Variants in SEMA6A observed in about 807,000 individuals in gnomAD.
SEMA6A encodes semaphorin-6A.
In SEMA6A, 25 loss-of-function variants were observed where a neutral mutation model predicts 96.8. That is an observed-to-expected ratio of 0.26 (90% confidence interval 0.19 to 0.36). The LOEUF is 0.36. Ranked by LOEUF, SEMA6A falls within the 10% of genes least tolerant of loss-of-function variation. The pLI is 1.00. For synonymous variants in SEMA6A, 612 were observed against 518.0 expected, an observed-to-expected ratio of 1.18 and a Z score of -2.46; for missense variants, 1,363 against 1,323.1, an observed-to-expected ratio of 1.03 and a Z score of -0.47.
intron 1 of SEMA6A, among the ~76,000 whole-genome samples, chr5:116,514,923 C>A (rs1221122897): frequency 6.6e-6 from 1 of 152,196 alleles, no homozygotes; most frequent in African/African-American, 2.4e-5. Flanking sequence ...CAAAATAGAA[C>A]ACATACACAA....
chr5:116,462,388 G>A (rs1755466273), intron 18 of SEMA6A, among the ~76,000 whole-genome samples: 1 of 152,106 alleles, frequency 6.6e-6, no homozygotes, highest in South Asian at 2.1e-4. Flanking sequence ...CTGGATATCA[G>A]CAAAATAGAT....
In SEMA6A at chr5:116,446,742, G is replaced by A. The variant is rs760861186; in HGVS notation, c.2964C>T (p.Ser988=). Residue 988 remains serine (S), a synonymous_variant, in exon 19 of 19, where the codon AGC becomes AGT. Coordinates refer to ENST00000343348, the MANE Select transcript of SEMA6A (RefSeq NM_020796.5). ...GQAVTVSRQP[S]LNAYNSLTRS... The stretch of plus-strand genomic sequence containing the variant: ...TTGTCAGTGAGTTGTAGGCGTTGAG[G>A]CTGGGCTGCCTCGAGACAGTCACGG... 26 of 1,606,066 alleles carry A rather than the reference G, an allele frequency of 1.6e-5. No individual in the cohort carries two copies. In the South Asian group the frequency reaches 2.2e-4, roughly 14 times the overall value.
At chr5:116,518,030 A>T (rs1324916146) in intron 1 of SEMA6A, among the ~76,000 whole-genome samples, 1 of 152,180 alleles carries the variant, frequency 6.6e-6, no homozygotes, top group East Asian at 1.9e-4. Flanking sequence ...CTGCTTTGTT[A>T]CAGGTACCTG....
intron 1 of SEMA6A, among the ~76,000 whole-genome samples, chr5:116,549,894 G>A (rs1038198995): frequency 1.8e-4 from 28 of 152,056 alleles, no homozygotes; most frequent in Non-Finnish European, 3.4e-4. Flanking sequence ...CTACCTGTAC[G>A]ATCGGTCACG....
chr5:116,495,599 T>C, intron 5 of SEMA6A, 85 bp from the exon 6 acceptor site: 1 of 1,029,378 alleles, frequency 9.7e-7, no homozygotes. Flanking sequence ...TGGCTGACAG[T>C]AAGGTTAAAG....
intron 17 of SEMA6A, chr5:116,471,660 T>G (rs957071177): frequency 1.3e-5 from 2 of 152,206 alleles, no homozygotes; most frequent in African/African-American, 4.8e-5. Flanking sequence ...TCTGTGGGCT[T>G]ATCTACTCCA....
intron 10 of SEMA6A, among the ~76,000 whole-genome samples, chr5:116,484,672 C>CT (rs1756960389): frequency 6.6e-6 from 1 of 152,096 alleles, no homozygotes; most frequent in African/African-American, 2.4e-5. Context: ...ACAACAACAT[C>CT]TTCAGGACGG....
chr5:116,557,475 G>A (rs1326854250), intron 1 of SEMA6A, among the ~76,000 whole-genome samples: 2 of 152,206 alleles, frequency 1.3e-5, no homozygotes, highest in African/African-American at 2.4e-5. Context: ...GCCTCGCAAA[G>A]TGCTTTTCTT....
In SEMA6A at chr5:116,572,477, A is replaced by G. The variant is rs1482798728; in HGVS notation, c.-39+1708T>C. On this transcript the variant is annotated intron_variant, in intron 1 of 18. Transcript: ENST00000343348. ...GTGAAGACAGCGCCTCCAGTCTCCC[A>G]TTCCTCTCCCGCTCCACGCACACCT... is the stretch of plus-strand genomic sequence containing the variant. 3.9e-5 allele frequency among the ~76,000 whole-genome samples: 6 copies of G among 152,128 alleles called. No homozygotes were observed. In the East Asian group the frequency reaches 1.2e-3, roughly 29 times the overall value.
intron 1 of SEMA6A, among the ~76,000 whole-genome samples, chr5:116,518,520 A>C: frequency 6.6e-6 from 1 of 152,232 alleles, no homozygotes; most frequent in East Asian, 1.9e-4. Flanking sequence ...TTATCCAATA[A>C]GTTTGAGTGT....
intron 17 of SEMA6A, 161 bp from the exon 18 acceptor site, chr5:116,467,908 TGGTG>T: frequency 1.6e-6 from 1 of 609,264 alleles, no homozygotes; most frequent in Non-Finnish European, 2.8e-6. Context: ...GTGGTGGTGG[TGGTG>T]GTGTGGGGTG....
At chr5:116,484,172 C>T (rs569548351) in intron 10 of SEMA6A, among the ~76,000 whole-genome samples, 9 of 151,330 alleles carry the variant, frequency 5.9e-5, no homozygotes, top group East Asian at 5.8e-4. Flanking sequence ...TATTCCTTTT[C>T]GGAAAGTAAC....
At chr5:116,516,638 G>C (rs1758679772) in intron 1 of SEMA6A, among the ~76,000 whole-genome samples, 1 of 152,182 alleles carries the variant, frequency 6.6e-6, no homozygotes, top group Non-Finnish European at 1.5e-5. Context: ...TTGTGGTGGA[G>C]AGAAGACGAT....
chr5:116,496,660 CCCTTT>C (rs1221102277), intron 4 of SEMA6A, among the ~76,000 whole-genome samples: 6 of 152,154 alleles, frequency 3.9e-5, no homozygotes, highest in African/African-American at 1.2e-4. Context: ...TATGTCCTTG[CCCTTT>C]CCTTTCAGTT....
intron 1 of SEMA6A, among the ~76,000 whole-genome samples, chr5:116,522,968 A>G (rs1158575293): frequency 6.6e-6 from 1 of 152,168 alleles, no homozygotes; most frequent in African/African-American, 2.4e-5. Context: ...GAGATTGACT[A>G]AACTAGAGAG....
Position 116,446,526 on chromosome 5 carries a change from G to C in SEMA6A, c.*87C>G. 1 of 1,156,646 alleles carries C rather than the reference G, an allele frequency of 8.6e-7. No homozygotes were observed. 71.6% of individuals were successfully genotyped at this position (1,156,646 alleles called of 1,614,324 possible). On this transcript the variant is annotated 3_prime_UTR_variant, in exon 19 of 19. Coordinates refer to ENST00000343348, the MANE Select transcript of SEMA6A (RefSeq NM_020796.5). Reference sequence around the variant, plus strand: ...GCCGCAGGCCTTCTTGGTCTGGTGGGTACTCGAGGCAGTTGAGAACCTTGC... The same window carrying C: ...GCCGCAGGCCTTCTTGGTCTGGTGGCTACTCGAGGCAGTTGAGAACCTTGC...
rs1231868684 is a variant in SEMA6A at position 116,446,285 on chromosome 5, T to TGTGTGG, written c.*327_*328insCCACAC. ...GTGCATGTGTGTGTGTGTGTGTGTGTGGGGGTGGGGGATGGGGTAGGTATG... is the reference window on the plus strand; with the variant it reads ...GTGCATGTGTGTGTGTGTGTGTGTGTGTGTGGGGGGGTGGGGGATGGGGTAGGTATG... On this transcript the variant is annotated 3_prime_UTR_variant, in exon 19 of 19. Transcript: ENST00000343348. 2.7e-4 allele frequency: 42 copies of TGTGTGG among 158,472 alleles called. No individual in the cohort carries two copies. The highest frequency in any genetic ancestry group is 1.9e-3 in the African/African-American group (41 of 21,938). The allele number at this position is 158,472 out of a possible 1,614,324, so 9.8% of individuals were successfully genotyped here. A position where few individuals can be genotyped will look rare whatever the true frequency, so the allele number is the denominator to read the frequency against.
At chr5:116,473,386 A>G (rs1369430965) in intron 16 of SEMA6A, among the ~76,000 whole-genome samples, 1 of 152,228 alleles carries the variant, frequency 6.6e-6, no homozygotes, top group Non-Finnish European at 1.5e-5. Context: ...GGTGACTTCG[A>G]GAGTTTAAAC....
chr5:116,566,121 TG>T (rs1761017272), intron 1 of SEMA6A, among the ~76,000 whole-genome samples: 1 of 152,236 alleles, frequency 6.6e-6, no homozygotes, highest in Non-Finnish European at 1.5e-5. Context: ...TATTTTCCAA[TG>T]GCATGTTTTC....
Sources: allele counts gnomAD v4.1 joint callset (sites outside exome capture counted in the v4.1 genomes callset), GRCh38; gene constraint gnomAD v4.1.1; transcripts MANE v1.5; gene names NCBI Gene and HGNC (gene_info 2026-07-23, HGNC 2026-07-21).